The following USP44 variants were observed in gnomAD, a reference collection of about 807,000 sequenced individuals.
USP44 encodes ubiquitin specific peptidase 44.
Under a neutral mutation model 69.0 loss-of-function variants are expected in USP44, and 61 were observed. The ratio of observed to expected loss-of-function variants is 0.88; its 90% CI spans 0.72 to 1.09. The LOEUF is 1.09. USP44 is among the 50% of genes least tolerant of loss of function. The pLI, the probability that USP44 is intolerant of heterozygous loss-of-function variation, is 0.00. For synonymous variants in USP44, 297 were observed against 295.4 expected (o/e 1.01, Z -0.06); for missense variants, 753 against 849.9 (o/e 0.89, Z 1.42).
intron 1 of USP44, among the ~76,000 whole-genome samples, chr12:95,539,441 T>C (rs760898738): frequency 1.8e-4 from 28 of 152,186 alleles, no homozygotes; most frequent in Non-Finnish European, 2.6e-4. Flanking sequence ...TTAGCCAGGA[T>C]GGTCTCGATC....
rs2140183000 is a variant in USP44 at position 95,517,363 on chromosome 12, A to C, written c.*791T>G. The C allele has an allele frequency of 6.6e-6, 1 of 152,292 alleles. No individual in the cohort carries two copies. Among genetic ancestry groups the C allele is most frequent in the Non-Finnish European group, 1.5e-5 (1 of 68,010 alleles). 9.4% of individuals were successfully genotyped at this position (152,292 alleles called of 1,614,324 possible). On this transcript the variant is annotated 3_prime_UTR_variant, in exon 6 of 6. Coordinates refer to ENST00000258499, the MANE Select transcript of USP44 (RefSeq NM_032147.5). ...GACATTATAAAATGAACTCATACCCAAGGTAAACTATTTGAATAACATCAT... is the reference window on the plus strand; with the variant it reads ...GACATTATAAAATGAACTCATACCCCAGGTAAACTATTTGAATAACATCAT...
intron 1 of USP44, among the ~76,000 whole-genome samples, chr12:95,534,884 T>C (rs1178378246): frequency 6.6e-6 from 1 of 152,196 alleles, no homozygotes; most frequent in Non-Finnish European, 1.5e-5. Flanking sequence ...TTTCGTCATG[T>C]TGCCCAGGCT....
At chr12:95,546,292 T>C (rs1324790090) in intron 1 of USP44, among the ~76,000 whole-genome samples, 3 of 152,240 alleles carry the variant, frequency 2.0e-5, no homozygotes, top group Non-Finnish European at 4.4e-5. Context: ...AGCACATCTA[T>C]GATCTGATCT....
intron 4 of USP44, among the ~76,000 whole-genome samples, chr12:95,523,622 G>A (rs1592675338): frequency 2.0e-5 from 3 of 149,294 alleles, no homozygotes; most frequent in South Asian, 2.1e-4. Context: ...AAGCTGAGGT[G>A]AGCAGATTGC....
At chr12:95,538,052 A>T (rs996182815) in intron 1 of USP44, among the ~76,000 whole-genome samples, 1 of 152,224 alleles carries the variant, frequency 6.6e-6, no homozygotes, top group African/African-American at 2.4e-5. Flanking sequence ...ATAATTAAAC[A>T]CATCATTCTA....
In USP44 at chr12:95,518,214, C is replaced by G. The variant is rs765801338; in HGVS notation, c.2079G>C (p.Leu693=). ...CTTCATTGGGATGTTGGCTCCCCAA[C>G]AGGAGCTCTGGAGGCAAAAGTTTAG... The part of the protein sequence containing the change: ...GHSKLLPPEL[L]LGSQHPNEDA... Residue 693 remains leucine, a synonymous_variant, in exon 6 of 6, where the codon CTG becomes CTC. Coordinates refer to ENST00000258499, the MANE Select transcript of USP44 (RefSeq NM_032147.5). 6.2e-7 allele frequency: 1 copy of G among 1,614,182 alleles called. No individual in the cohort carries two copies. The highest frequency in any genetic ancestry group is 1.1e-5 in the South Asian group (1 of 91,090).
At chr12:95,538,662 T>C (rs1018713543) in intron 1 of USP44, among the ~76,000 whole-genome samples, 5 of 152,290 alleles carry the variant, frequency 3.3e-5, no homozygotes, top group South Asian at 2.1e-4. Flanking sequence ...TGTCTACTTA[T>C]GAAAGAAATC....
At chr12:95,518,765 C>A (rs2076555856) in intron 5 of USP44, among the ~76,000 whole-genome samples, 1 of 151,970 alleles carries the variant, frequency 6.6e-6, no homozygotes, top group Non-Finnish European at 1.5e-5. Context: ...CATGGTGAAA[C>A]CTGTCTCTAC....
At chr12:95,541,525 A>G (rs1441294262) in intron 1 of USP44, among the ~76,000 whole-genome samples, 1 of 152,098 alleles carries the variant, frequency 6.6e-6, no homozygotes, top group African/African-American at 2.4e-5. Context: ...GGCTGCAGCG[A>G]GCCATGATGG....
rs992939915 is a variant in USP44, at chr12:95,548,967, G to C, written c.-71+2305C>G. On this transcript the variant is annotated intron_variant, in intron 1 of 5. Transcript: ENST00000258499. This position sits in a 1 kb window ranked among gnomAD's most constrained non-coding sequence, Gnocchi z 4.1. ...GGTGGCCGCCTTCCGCGCCTCGTGGGGGGGTCGGGGCCACGGACGGTCCCC... is the reference window on the plus strand; with the variant it reads ...GGTGGCCGCCTTCCGCGCCTCGTGGCGGGGTCGGGGCCACGGACGGTCCCC... 7.2e-5 allele frequency: 11 copies of C among 152,262 alleles called. No homozygotes were observed. The highest frequency in any genetic ancestry group is 2.0e-4 in the Admixed American group (3 of 15,306). 9.4% of individuals were successfully genotyped at this position (152,262 alleles called of 1,614,324 possible).
rs1183583195 is a variant in USP44 at position 95,533,046 on chromosome 12, G to A, written c.1211C>T (p.Ala404Val). 2.5e-6 allele frequency: 4 copies of A among 1,614,226 alleles called. No individual in the cohort carries two copies. The highest frequency in any genetic ancestry group is 3.4e-6 in the Non-Finnish European group (4 of 1,180,038). ...GAGTCTCCACACTGAGTGTAGCATA[G>A]CAAATGGTGAGACCAACGCCCACTT... ...SGKWALVSPFAMLHSVWRLIP... is the reference protein window; with the variant it reads ...SGKWALVSPFVMLHSVWRLIP... The change falls in exon 2 of 6, where the codon GCT becomes GTT. Residue 404 changes from alanine to valine, a missense_variant. Transcript: ENST00000258499.
intron 2 of USP44, among the ~76,000 whole-genome samples, chr12:95,532,271 G>A (rs1029687149): frequency 6.7e-6 from 1 of 150,270 alleles, no homozygotes; most frequent in African/African-American, 2.5e-5. Context: ...GGGTTCAAGC[G>A]ATTCTCCTGA....
chr12:95,516,982 A>AGAT lies in USP44; in HGVS notation c.*1169_*1171dup, dbSNP rs1046529014. 7.0e-4 allele frequency: 107 copies of AGAT among 152,274 alleles called. No homozygotes were observed. The highest frequency in any genetic ancestry group is 2.5e-3 in the African/African-American group (105 of 41,552). 9.4% of individuals were successfully genotyped at this position (152,274 alleles called of 1,614,324 possible). On this transcript the variant is annotated 3_prime_UTR_variant, in exon 6 of 6. Coordinates refer to ENST00000258499, the MANE Select transcript of USP44 (RefSeq NM_032147.5). ...TAGTTGATTCTACCCTCTCCAAATAAGATAAAGTTAGCAGCAACAGGACTT... is the reference window on the plus strand; with the variant it reads ...TAGTTGATTCTACCCTCTCCAAATAAGATGATAAAGTTAGCAGCAACAGGACTT...
At chr12:95,549,949 C>G (rs578017684) in intron 1 of USP44, among the ~76,000 whole-genome samples, 2 of 152,024 alleles carry the variant, frequency 1.3e-5, no homozygotes, top group Non-Finnish European at 2.9e-5. Context: ...GAGGCCAAGG[C>G]GGGTGGATCA....
intron 2 of USP44, among the ~76,000 whole-genome samples, chr12:95,530,543 TAAAGAA>T (rs2140275981): frequency 6.6e-6 from 1 of 152,142 alleles, no homozygotes; most frequent in African/African-American, 2.4e-5. Context: ...AAGAGTGTAT[TAAAGAA>T]AGAGAAGCAA....
chr12:95,525,520 G>A (rs2076808147), intron 3 of USP44, among the ~76,000 whole-genome samples: 1 of 152,178 alleles, frequency 6.6e-6, no homozygotes, highest in Non-Finnish European at 1.5e-5. Flanking sequence ...AAAAGTGAGT[G>A]GTCAGTTCAT....
chr12:95,542,028 G>C (rs2077407287), intron 1 of USP44, among the ~76,000 whole-genome samples: 1 of 152,012 alleles, frequency 6.6e-6, no homozygotes, highest in African/African-American at 2.4e-5. Flanking sequence ...TTACAGGCGT[G>C]TGACACCATG....
intron 1 of USP44, among the ~76,000 whole-genome samples, chr12:95,537,603 C>G (rs1457959083): frequency 1.3e-5 from 2 of 152,152 alleles, no homozygotes; most frequent in East Asian, 3.9e-4. Flanking sequence ...AGTCATGAGC[C>G]ACCACGCCAG....
intron 1 of USP44, chr12:95,546,757 C>G (rs2140390551): frequency 6.6e-6 from 1 of 152,290 alleles, no homozygotes; most frequent in East Asian, 1.9e-4. Flanking sequence ...TCTGTATCCT[C>G]TACCATTCAA....
Sources: gnomAD v4.1 joint callset for allele counts (sites outside exome capture counted in the v4.1 genomes callset) on GRCh38, gnomAD v4.1.1 for gene constraint, Gnocchi (gnomAD v3.1) non-coding constraint, MANE v1.5 for transcripts, NCBI Gene and HGNC (gene_info 2026-07-23, HGNC 2026-07-21) for gene names.